TMEM132B: variants seen among roughly 807,000 people sequenced by gnomAD.
The protein encoded by TMEM132B is transmembrane protein 132B.
TMEM132B carries 18 observed loss-of-function variants against 90.8 expected under a neutral mutation model. That is an observed-to-expected ratio of 0.20 (90% CI 0.14 to 0.29). TMEM132B has a LOEUF of 0.29. TMEM132B is among the 10% of genes least tolerant of loss of function. TMEM132B has a pLI of 1.00. For synonymous variants in TMEM132B, 504 were observed against 523.3 expected (o/e 0.96, Z 0.50); for missense variants, 1,096 against 1,326.8 (o/e 0.83, Z 2.70).
At chr12:125,453,076 AACACACACACACACACACAC>A (rs60350192) in intron 3 of TMEM132B, among the ~76,000 whole-genome samples, 1 of 143,700 alleles carries the variant, frequency 7.0e-6, no homozygotes, top group African/African-American at 2.6e-5. Flanking sequence ...ATTTCAGTAA[AACACACACACACACACACAC>A]ACACACACAC....
intron 1 of TMEM132B, among the ~76,000 whole-genome samples, chr12:125,224,422 G>A (rs1399798455): frequency 2.0e-5 from 3 of 152,184 alleles, no homozygotes; most frequent in Non-Finnish European, 2.9e-5. Flanking sequence ...ACTTTAAGTG[G>A]ACTTCCCAGG....
chr12:125,509,567 T>TG (rs1882928255), intron 3 of TMEM132B, among the ~76,000 whole-genome samples: 1 of 152,116 alleles, frequency 6.6e-6, no homozygotes, highest in South Asian at 2.1e-4. Context: ...TGCCTGTAGG[T>TG]GCATCGAATA....
At chr12:125,611,818 G>T (rs138314498) in intron 5 of TMEM132B, among the ~76,000 whole-genome samples, 1 of 152,122 alleles carries the variant, frequency 6.6e-6, no homozygotes, top group Non-Finnish European at 1.5e-5. Flanking sequence ...TTGATTTATG[G>T]CCTAGAATAT....
In TMEM132B at chr12:125,381,716, ATG is replaced by A. The variant is rs1878690271; in HGVS notation, c.959+31377_959+31378del. Among the ~76,000 whole-genome samples the A allele has an allele frequency of 3.3e-5, 5 of 152,112 alleles. No individual in the cohort carries two copies. In the South Asian group the frequency reaches 1.0e-3, roughly 32 times the overall value. On this transcript the variant is annotated intron_variant, in intron 2 of 8. Transcript: ENST00000682704. ...TGTATGTATGTGTGTGAATGTACAT[ATG>A]TGTATGCATATGTGCGTTAGTGCAC... is the stretch of plus-strand genomic sequence containing the variant.
intron 2 of TMEM132B, among the ~76,000 whole-genome samples, chr12:125,381,714 A>C (rs767136983): frequency 4.6e-5 from 7 of 152,148 alleles, no homozygotes; most frequent in Non-Finnish European, 8.8e-5. Flanking sequence ...GTGAATGTAC[A>C]TATGTGTATG....
intron 2 of TMEM132B, among the ~76,000 whole-genome samples, chr12:125,392,198 C>T (rs1340956695): frequency 6.6e-6 from 1 of 152,180 alleles, no homozygotes; most frequent in Admixed American, 6.5e-5. Flanking sequence ...ACGTGCTTTC[C>T]TCTCCATCCC....
At chr12:125,647,827 G>T (rs1462253673) in intron 6 of TMEM132B, among the ~76,000 whole-genome samples, 3 of 151,064 alleles carry the variant, frequency 2.0e-5, no homozygotes, top group African/African-American at 7.3e-5. Context: ...GGTATTCAAA[G>T]GGAAAATTAT....
Position 125,209,447 on chromosome 12 carries a change from C to T in TMEM132B, c.67+22581C>T, listed in dbSNP as rs1873267391. On this transcript the variant is annotated intron_variant, in intron 1 of 8. Coordinates refer to ENST00000682704, the MANE Select transcript of TMEM132B (RefSeq NM_001366854.1). This position sits in a 1 kb window ranked among gnomAD's most constrained non-coding sequence, Gnocchi z 4.4. The stretch of plus-strand genomic sequence containing the variant: ...GCTCGACTGGGGGAAGGGGTTTGGC[C>T]CCCTTTCTGTCCTGGTCACCTCAGG... 6.6e-6 allele frequency among the ~76,000 whole-genome samples: 1 copy of T among 152,200 alleles called. No individual in the cohort carries two copies. The highest frequency in any genetic ancestry group is 2.4e-5 in the African/African-American group (1 of 41,426).
chr12:125,203,535 C>T (rs1873114891), intron 1 of TMEM132B, among the ~76,000 whole-genome samples: 1 of 152,176 alleles, frequency 6.6e-6, no homozygotes, highest in African/African-American at 2.4e-5. Flanking sequence ...CATATACAAA[C>T]ATTTACCTGA....
At chr12:125,225,477 G>A (rs1382491761) in intron 1 of TMEM132B, among the ~76,000 whole-genome samples, 1 of 152,190 alleles carries the variant, frequency 6.6e-6, no homozygotes, top group African/African-American at 2.4e-5. Context: ...TGCTAGAGGT[G>A]GGAAGTTCAT....
At chr12:125,578,653 T>C (rs1417250317) in intron 4 of TMEM132B, among the ~76,000 whole-genome samples, 2 of 152,220 alleles carry the variant, frequency 1.3e-5, no homozygotes. Flanking sequence ...TCTCTCACTT[T>C]CTGTTTTTCT....
chr12:125,189,110 C>T (rs962887618), intron 1 of TMEM132B, among the ~76,000 whole-genome samples: 1 of 152,144 alleles, frequency 6.6e-6, no homozygotes, highest in African/African-American at 2.4e-5. Context: ...GTCCCCCACC[C>T]CCCTTCCTGC....
At chr12:125,211,211 G>A (rs565284061) in intron 1 of TMEM132B, among the ~76,000 whole-genome samples, 76 of 152,312 alleles carry the variant, frequency 5.0e-4, no homozygotes, top group Middle Eastern at 3.4e-3. Flanking sequence ...AGCTGAGCTG[G>A]GGTGTCTCTG....
At position 125,246,416 on chromosome 12, in the gene TMEM132B, C is replaced by T. The variant is rs1006600504; in HGVS notation, c.67+59550C>T. 1.3e-5 allele frequency among the ~76,000 whole-genome samples: 2 copies of T among 152,180 alleles called. No individual in the cohort carries two copies. Among genetic ancestry groups the T allele is most frequent in the Non-Finnish European group, 2.9e-5 (2 of 68,030 alleles). ...CTGAGGAAGTCAGCTTCCTGGGCTGCGTCTCTCATCTTGTTTATTAACATG... is the reference window on the plus strand; with the variant it reads ...CTGAGGAAGTCAGCTTCCTGGGCTGTGTCTCTCATCTTGTTTATTAACATG... On this transcript the variant is annotated intron_variant, in intron 1 of 8. Coordinates refer to ENST00000682704, the MANE Select transcript of TMEM132B (RefSeq NM_001366854.1). The surrounding 1 kb of genome is among the most constrained non-coding windows in gnomAD (Gnocchi z 4.2).
intron 1 of TMEM132B, among the ~76,000 whole-genome samples, chr12:125,310,379 G>A (rs1307292242): frequency 6.6e-6 from 1 of 152,192 alleles, no homozygotes; most frequent in Non-Finnish European, 1.5e-5. Context: ...GGATTGTTGA[G>A]GGCTCCTGTT....
At chr12:125,334,656 C>T (rs1292794754) in intron 1 of TMEM132B, among the ~76,000 whole-genome samples, 1 of 152,230 alleles carries the variant, frequency 6.6e-6, no homozygotes, top group Admixed American at 6.5e-5. Flanking sequence ...TACCTATACT[C>T]GCTTTGAGTC....
At chr12:125,441,958 A>AT (rs980514284) in intron 3 of TMEM132B, among the ~76,000 whole-genome samples, 4 of 152,190 alleles carry the variant, frequency 2.6e-5, no homozygotes, top group East Asian at 1.9e-4. Context: ...TTTTTGAAAG[A>AT]TTTTTTTCCT....
chr12:125,582,799 A>T (rs945517854), intron 4 of TMEM132B, among the ~76,000 whole-genome samples: 7 of 152,122 alleles, frequency 4.6e-5, no homozygotes, highest in Non-Finnish European at 8.8e-5. Flanking sequence ...AGGTCCCCAT[A>T]CAGGAGCTGT....
chr12:125,389,052 AC>A (rs1878930884), intron 2 of TMEM132B, among the ~76,000 whole-genome samples: 4 of 151,154 alleles, frequency 2.6e-5, no homozygotes, highest in African/African-American at 9.8e-5. Flanking sequence ...ACACACACAC[AC>A]ACAAACACAC....
Sources: gnomAD v4.1 joint callset for allele counts (sites outside exome capture counted in the v4.1 genomes callset) on GRCh38, gnomAD v4.1.1 for gene constraint, Gnocchi (gnomAD v3.1) non-coding constraint, MANE v1.5 for transcripts, NCBI Gene and HGNC (gene_info 2026-07-23, HGNC 2026-07-21) for gene names.